Variants in LINGO1 observed in about 807,000 individuals in gnomAD.
The protein encoded by LINGO1 is leucine rich repeat and Ig domain containing 1.
In LINGO1, 11 loss-of-function variants were observed where a neutral mutation model predicts 37.3. The observed-to-expected ratio is 0.29, with a 90% CI of 0.19 to 0.49. LINGO1 has a LOEUF of 0.49. Ranked by LOEUF, LINGO1 falls within the 20% of genes least tolerant of loss-of-function variation. LINGO1 has a pLI of 0.99. For synonymous variants in LINGO1, 387 were observed against 403.0 expected (o/e 0.96, Z 0.48); for missense variants, 585 against 878.2 (o/e 0.67, Z 4.22).
intron 3 of LINGO1, among the ~76,000 whole-genome samples, chr15:77,668,427 C>T (rs925196620): frequency 2.0e-5 from 3 of 152,174 alleles, no homozygotes; most frequent in Non-Finnish European, 2.9e-5. Flanking sequence ...CCAATCCACA[C>T]CCTAAAACCT....
At chr15:77,623,982 G>A (rs1301517097) in intron 1 of LINGO1, among the ~76,000 whole-genome samples, 1 of 150,872 alleles carries the variant, frequency 6.6e-6, no homozygotes, top group Non-Finnish European at 1.5e-5. Flanking sequence ...GCCTGTGTGT[G>A]TGTGTGATGT....
chr15:77,745,116 A>G (rs1280549643), intron 1 of LINGO1, among the ~76,000 whole-genome samples: 2 of 113,858 alleles, frequency 1.8e-5, no homozygotes, highest in Non-Finnish European at 3.5e-5. Context: ...AGAGAGCAAG[A>G]CTCTGTCTTA....
At chr15:77,773,970 G>A (rs1489226963) in intron 1 of LINGO1, among the ~76,000 whole-genome samples, 1 of 152,110 alleles carries the variant, frequency 6.6e-6, no homozygotes. Flanking sequence ...CTCCAAAGGG[G>A]ACACTGGGTC....
intron 1 of LINGO1, among the ~76,000 whole-genome samples, chr15:77,785,531 A>C (rs192107389): frequency 1.5e-3 from 233 of 152,108 alleles, no homozygotes; most frequent in African/African-American, 5.4e-3. Flanking sequence ...CCCTGCCCTT[A>C]GTCAGGAGAC....
intron 2 of LINGO1, among the ~76,000 whole-genome samples, chr15:77,724,254 A>C (rs1028316590): frequency 6.6e-6 from 1 of 152,206 alleles, no homozygotes; most frequent in Non-Finnish European, 1.5e-5. Flanking sequence ...ACATGACTGA[A>C]GCCTGTCTGC....
At chr15:77,706,922 C>G (rs62009151) in intron 2 of LINGO1, among the ~76,000 whole-genome samples, 1 of 152,102 alleles carries the variant, frequency 6.6e-6, no homozygotes, top group Non-Finnish European at 1.5e-5. Flanking sequence ...AGAGGAGATG[C>G]TGGCAGGAGA....
At chr15:77,749,540 G>C (rs2076350277) in intron 1 of LINGO1, among the ~76,000 whole-genome samples, 1 of 152,208 alleles carries the variant, frequency 6.6e-6, no homozygotes, top group African/African-American at 2.4e-5. Context: ...AGTGGGTCTG[G>C]GTCTCTAACT....
At chr15:77,623,779 T>C (rs1308488303) in intron 1 of LINGO1, among the ~76,000 whole-genome samples, 1 of 152,112 alleles carries the variant, frequency 6.6e-6, no homozygotes, top group Non-Finnish European at 1.5e-5. Context: ...TAATTCTTTA[T>C]CTTCCTCTTG....
At chr15:77,776,391 C>G (rs1176178301) in intron 1 of LINGO1, among the ~76,000 whole-genome samples, 4 of 121,436 alleles carry the variant, frequency 3.3e-5, no homozygotes, top group African/African-American at 5.8e-5. Flanking sequence ...AGCCTTAAGA[C>G]AGAATCTGCT....
chr15:77,767,814 G>C (rs2076544678), intron 1 of LINGO1, among the ~76,000 whole-genome samples: 1 of 152,232 alleles, frequency 6.6e-6, no homozygotes, highest in African/African-American at 2.4e-5. Flanking sequence ...AAAGTAATCA[G>C]AGTACATTAC....
At chr15:77,626,902 G>A (rs1315317472) in intron 1 of LINGO1, among the ~76,000 whole-genome samples, 1 of 152,122 alleles carries the variant, frequency 6.6e-6, no homozygotes, top group Non-Finnish European at 1.5e-5. Context: ...TCTCAGCTCT[G>A]AGATGCCCCC....
intron 3 of LINGO1, among the ~76,000 whole-genome samples, chr15:77,666,150 T>A (rs762306004): frequency 1.3e-5 from 2 of 152,226 alleles, no homozygotes; most frequent in African/African-American, 2.4e-5. Context: ...ATGAATGACA[T>A]GAACATGTGG....
chr15:77,664,170 T>TGTGTGCGCGCGCGCGCGCGCGC, intron 3 of LINGO1, among the ~76,000 whole-genome samples: 2 of 130,946 alleles, frequency 1.5e-5, no homozygotes, highest in African/African-American at 7.3e-5. Context: ...TGTGTGTGTG[T>TGTGTGCGCGCGCGCGCGCGCGC]GCGCGCGCGC....
chr15:77,656,833 C>A (rs972799349), intron 3 of LINGO1, among the ~76,000 whole-genome samples: 1 of 152,196 alleles, frequency 6.6e-6, no homozygotes, highest in African/African-American at 2.4e-5. Flanking sequence ...AACAGGAGTG[C>A]AGCCAGGAGC....
chr15:77,736,029 T>C (rs958950680), intron 1 of LINGO1, among the ~76,000 whole-genome samples: 1 of 152,248 alleles, frequency 6.6e-6, no homozygotes, highest in African/African-American at 2.4e-5. Flanking sequence ...ATGGCCTTAT[T>C]ATGCAAATAA....
intron 3 of LINGO1, among the ~76,000 whole-genome samples, chr15:77,650,021 G>A (rs904079993): frequency 6.6e-6 from 1 of 152,242 alleles, no homozygotes; most frequent in African/African-American, 2.4e-5. Context: ...GTTCTCCGTG[G>A]AAAATGGGAG....
chr15:77,692,646 CA>C (rs1358684492), intron 1 of LINGO1, among the ~76,000 whole-genome samples: 1 of 152,210 alleles, frequency 6.6e-6, no homozygotes, highest in Non-Finnish European at 1.5e-5. Flanking sequence ...GCTTTTCTGC[CA>C]ATTTCCCGAC....
intron 1 of LINGO1, among the ~76,000 whole-genome samples, chr15:77,749,678 C>T (rs573699441): frequency 6.6e-6 from 1 of 152,348 alleles, no homozygotes; most frequent in East Asian, 1.9e-4. Context: ...TGAAGCTGCT[C>T]CCGCCACCAG....
At chr15:77,685,707 G>C (rs889148685) in intron 2 of LINGO1, among the ~76,000 whole-genome samples, 2 of 123,802 alleles carry the variant, frequency 1.6e-5, no homozygotes, top group African/African-American at 3.3e-5. Flanking sequence ...AAAAAAAAAC[G>C]CCAGGAATGG....
Sources: allele counts gnomAD v4.1 joint callset (sites outside exome capture counted in the v4.1 genomes callset), GRCh38; gene constraint gnomAD v4.1.1; transcripts MANE v1.5; gene names NCBI Gene and HGNC (gene_info 2026-07-23, HGNC 2026-07-21).